AVL9: variants seen among roughly 807,000 people sequenced by gnomAD.
AVL9 encodes the protein AVL9 cell migration associated.
A neutral mutation model predicts 79.2 loss-of-function variants in AVL9; 49 were observed. That is an observed-to-expected ratio of 0.62 (90% CI 0.49 to 0.79). AVL9 has a LOEUF of 0.79. Ranked by LOEUF, AVL9 falls within the 30% of genes least tolerant of loss-of-function variation. The pLI is 0.00. For synonymous variants in AVL9, 299 were observed against 280.6 expected (o/e 1.07, Z -0.65); for missense variants, 682 against 776.8 (o/e 0.88, Z 1.45).
chr7:32,549,089 C>T (rs1789670779), intron 4 of AVL9, among the ~76,000 whole-genome samples, 171 bp downstream of exon 4: 1 of 151,794 alleles, frequency 6.6e-6, no homozygotes, highest in South Asian at 2.1e-4. Flanking sequence ...GCACCTCTAC[C>T]CAAGACTTGG....
intron 1 of AVL9, among the ~76,000 whole-genome samples, chr7:32,507,198 T>C (rs1280048315): frequency 1.3e-5 from 2 of 152,160 alleles, no homozygotes; most frequent in Non-Finnish European, 2.9e-5. Flanking sequence ...GAATCACAAC[T>C]TGTCAGAATT....
chr7:32,573,936 A>T lies in AVL9; in HGVS notation c.1570+518A>T, dbSNP rs962932184. Among the ~76,000 whole-genome samples, 36 of 152,256 alleles carry T rather than the reference A, an allele frequency of 2.4e-4. 1 individual carries two copies. The highest frequency in any genetic ancestry group is 1.2e-3 in the Admixed American group (18 of 15,292). ...TTATTATTCGTATTAAATGGTTAAA[A>T]TGGAGCAGGTAAACATGGAGTTACT... On this transcript the variant is annotated intron_variant, in intron 12 of 15. Transcript: ENST00000318709.
rs1790936180 is a variant in AVL9, at chr7:32,573,189, T to C, written c.1351-10T>C. The C allele has an allele frequency of 1.9e-6, 3 of 1,611,132 alleles. No homozygotes were observed. Among genetic ancestry groups the C allele is most frequent in the South Asian group, 2.2e-5 (2 of 90,948 alleles). On this transcript the variant is annotated splice_polypyrimidine_tract_variant and intron_variant, in intron 11 of 15. Coordinates refer to ENST00000318709, the MANE Select transcript of AVL9 (RefSeq NM_015060.3). ...GCCCAGACTCTGACTTGTACCTGGA[T>C]ACCCTCTAGGTAGAAGAAGCTCTGA...
chr7:32,507,416 T>C (rs775696116), intron 1 of AVL9, among the ~76,000 whole-genome samples: 1 of 152,222 alleles, frequency 6.6e-6, no homozygotes, highest in Non-Finnish European at 1.5e-5. Context: ...TTCCTACTTT[T>C]CTTTTTCCTC....
chr7:32,553,362 A>C (rs1789917789), intron 6 of AVL9, among the ~76,000 whole-genome samples: 4 of 152,216 alleles, frequency 2.6e-5, no homozygotes, highest in African/African-American at 9.6e-5. Flanking sequence ...TTAAACCTGC[A>C]CTGTCCAAAA....
chr7:32,505,532 A>AAG (rs1554333163), intron 1 of AVL9, among the ~76,000 whole-genome samples: 88 of 152,180 alleles, frequency 5.8e-4, no homozygotes, highest in African/African-American at 2.0e-3. Context: ...TCAAAAAAAA[A>AAG]AAAGAAAGAA....
rs146876657 is a variant in AVL9, at chr7:32,524,946, C to T, written c.94-18195C>T. 5.8e-3 allele frequency among the ~76,000 whole-genome samples: 876 copies of T among 152,256 alleles called. 10 individuals are homozygous for T. The highest frequency in any genetic ancestry group is 0.02 in the African/African-American group (819 of 41,540). ...TCCATGGTAAAATAAAAGTGGTTTA[C>T]ATAGATCTTGCTACCTGGATGTTCA... On this transcript the variant is annotated intron_variant, in intron 1 of 15. Transcript: ENST00000318709.
At chr7:32,507,429 C>G (rs1597554) in intron 1 of AVL9, among the ~76,000 whole-genome samples, 1 of 152,156 alleles carries the variant, frequency 6.6e-6, no homozygotes, top group Non-Finnish European at 1.5e-5. Flanking sequence ...TTTTCCTCAA[C>G]GCTAACCACC....
At chr7:32,506,977 CA>C (rs545967343) in intron 1 of AVL9, among the ~76,000 whole-genome samples, 2 of 151,338 alleles carry the variant, frequency 1.3e-5, no homozygotes, top group African/African-American at 2.4e-5. Flanking sequence ...TAGATAGTTG[CA>C]AAAAAAATCC....
rs1790761544 is a variant in AVL9 at position 32,570,088 on chromosome 7, G to C, written c.1284G>C (p.Gly428=). The part of the protein sequence containing the change: ...HHLLSDVTVR[G]FVAGATNILF... ...TTCTCTCCGATGTCACCGTTCGGGGGTTTGTTGCTGGAGCTACTAACATCC... is the reference window on the plus strand; with the variant it reads ...TTCTCTCCGATGTCACCGTTCGGGGCTTTGTTGCTGGAGCTACTAACATCC... The change falls in exon 11 of 16, where the codon GGG becomes GGC. Residue 428 remains glycine, a synonymous_variant. Coordinates refer to ENST00000318709, the MANE Select transcript of AVL9 (RefSeq NM_015060.3). 2 of 1,614,078 alleles carry C rather than the reference G, an allele frequency of 1.2e-6. No individual in the cohort carries two copies.
chr7:32,581,220 A>G (rs1249988242), intron 15 of AVL9: 1 of 233,144 alleles, frequency 4.3e-6, no homozygotes, highest in East Asian at 1.1e-4. Context: ...AAAAGTAGGT[A>G]TTAGGAACTG....
chr7:32,525,096 G>T (rs115893116), intron 1 of AVL9, among the ~76,000 whole-genome samples: 3,418 of 152,260 alleles, frequency 0.022, 137 homozygotes, highest in African/African-American at 0.077. Context: ...GTGAATGGCA[G>T]TTCAAAGGTA....
At chr7:32,502,653 A>AT in intron 1 of AVL9, among the ~76,000 whole-genome samples, 1 of 152,274 alleles carries the variant, frequency 6.6e-6, no homozygotes, top group East Asian at 1.9e-4. Flanking sequence ...ACCTTTTCTC[A>AT]TAAGTATAGA....
intron 1 of AVL9, among the ~76,000 whole-genome samples, chr7:32,508,515 G>T (rs1787512755): frequency 6.6e-6 from 1 of 152,088 alleles, no homozygotes; most frequent in African/African-American, 2.4e-5. Context: ...TTCCTACTAA[G>T]TAATTAAAAT....
intron 11 of AVL9, among the ~76,000 whole-genome samples, chr7:32,571,823 A>G (rs1790857913): frequency 6.6e-6 from 1 of 152,132 alleles, no homozygotes; most frequent in Non-Finnish European, 1.5e-5. Flanking sequence ...ACTAACCTGT[A>G]CGTTACATGT....
chr7:32,524,575 G>C (rs1334272113), intron 1 of AVL9, among the ~76,000 whole-genome samples: 1 of 96,382 alleles, frequency 1.0e-5, no homozygotes, highest in Non-Finnish European at 2.7e-5. Context: ...AAAGAAAATG[G>C]GTATTATATC....
chr7:32,501,896 C>T (rs1787143127), intron 1 of AVL9, among the ~76,000 whole-genome samples: 1 of 152,138 alleles, frequency 6.6e-6, no homozygotes, highest in Non-Finnish European at 1.5e-5. Flanking sequence ...GATGCAGACA[C>T]ATAGGGAGAA....
rs913641524 is a variant in AVL9, at chr7:32,584,478, T to C, written c.*571T>C. Reference sequence around the variant, plus strand: ...AAGTTAGAGGTGGTAGTTCTGAGGATTGGGTGTTTTGTTTTACGTTTTTAG... The same window carrying C: ...AAGTTAGAGGTGGTAGTTCTGAGGACTGGGTGTTTTGTTTTACGTTTTTAG... On this transcript the variant is annotated 3_prime_UTR_variant, in exon 16 of 16. Transcript: ENST00000318709. 1.9e-5 allele frequency: 3 copies of C among 154,922 alleles called. No homozygotes were observed. The highest frequency in any genetic ancestry group is 1.3e-4 in the Admixed American group (2 of 15,882). The allele number at this position is 154,922 out of a possible 1,614,324, so 9.6% of individuals were successfully genotyped here.
chr7:32,521,519 C>G (rs1042020682), intron 1 of AVL9, among the ~76,000 whole-genome samples: 4 of 152,164 alleles, frequency 2.6e-5, no homozygotes, highest in African/African-American at 9.7e-5. Context: ...TTTAGGGTAT[C>G]TGGCAGAAGA....
Sources: gnomAD v4.1 joint callset for allele counts (sites outside exome capture counted in the v4.1 genomes callset) on GRCh38, gnomAD v4.1.1 for gene constraint, MANE v1.5 for transcripts, NCBI Gene and HGNC (gene_info 2026-07-23, HGNC 2026-07-21) for gene names.